The following SNTG1 variants were observed in gnomAD, a reference collection of about 807,000 sequenced individuals.
The protein encoded by SNTG1 is syntrophin gamma 1, also known as gamma-1-syntrophin.
A neutral mutation model predicts 74.7 loss-of-function variants in SNTG1; 39 were observed. That is an observed-to-expected ratio of 0.52 (90% CI 0.40 to 0.68). The LOEUF (loss-of-function observed/expected upper bound fraction) is 0.68, where lower values mean the gene tolerates loss of function less well. SNTG1 is among the 30% of genes least tolerant of loss of function. The pLI is 0.00. For synonymous variants in SNTG1, 254 were observed against 217.1 expected (o/e 1.17, Z -1.49); for missense variants, 685 against 609.5 (o/e 1.12, Z -1.30).
chr8:50,356,684 C>T (rs933100696), intron 2 of SNTG1, among the ~76,000 whole-genome samples: 3 of 151,964 alleles, frequency 2.0e-5, no homozygotes, highest in African/African-American at 7.3e-5. Flanking sequence ...GCCTCTAATC[C>T]CATTCATGAA....
At chr8:50,586,786 T>G (rs1283814906) in intron 12 of SNTG1, among the ~76,000 whole-genome samples, 2 of 152,072 alleles carry the variant, frequency 1.3e-5, no homozygotes, top group Non-Finnish European at 2.9e-5. Context: ...AAATGTGTAT[T>G]CTGGGGGTTG....
At chr8:49,965,688 T>A (rs1014998936) in intron 1 of SNTG1, among the ~76,000 whole-genome samples, 1 of 152,218 alleles carries the variant, frequency 6.6e-6, no homozygotes, top group African/African-American at 2.4e-5. Context: ...CATTTTTAGA[T>A]AACCGAATGT....
intron 1 of SNTG1, among the ~76,000 whole-genome samples, chr8:49,943,422 G>A (rs745647371): frequency 6.6e-6 from 1 of 152,226 alleles, no homozygotes; most frequent in Non-Finnish European, 1.5e-5. Context: ...TTAGGATAAT[G>A]TTAATGGCTT....
chr8:50,222,882 C>A (rs911363783), intron 2 of SNTG1, among the ~76,000 whole-genome samples: 1 of 152,104 alleles, frequency 6.6e-6, no homozygotes, highest in African/African-American at 2.4e-5. Context: ...TAATTTATTT[C>A]TGTAAAAACT....
chr8:50,023,346 A>G (rs1326372039), intron 1 of SNTG1, among the ~76,000 whole-genome samples: 1 of 152,162 alleles, frequency 6.6e-6, no homozygotes, highest in Non-Finnish European at 1.5e-5. Flanking sequence ...ATAGCTATGG[A>G]TTTGAATAAA....
At chr8:49,950,450 A>T (rs2129390228) in intron 1 of SNTG1, among the ~76,000 whole-genome samples, 1 of 152,274 alleles carries the variant, frequency 6.6e-6, no homozygotes, top group East Asian at 1.9e-4. Context: ...TATTTTTAAA[A>T]TTTTTAAATG....
intron 12 of SNTG1, among the ~76,000 whole-genome samples, chr8:50,580,148 A>T (rs2094601046): frequency 6.6e-6 from 1 of 152,254 alleles, no homozygotes; most frequent in Non-Finnish European, 1.5e-5. Flanking sequence ...ATCATTTTCG[A>T]ACCTTAAAGT....
At chr8:49,991,976 TA>T (rs1213415560) in intron 1 of SNTG1, among the ~76,000 whole-genome samples, 6 of 152,312 alleles carry the variant, frequency 3.9e-5, no homozygotes, top group East Asian at 1.9e-4. Context: ...TTAAAGCTGT[TA>T]AAAAATAATG....
intron 2 of SNTG1, among the ~76,000 whole-genome samples, chr8:50,346,367 C>T (rs953876398): frequency 6.6e-6 from 1 of 152,072 alleles, no homozygotes; most frequent in Non-Finnish European, 1.5e-5. Context: ...AAACTGTGCC[C>T]GTATCAGATG....
At chr8:50,510,523 C>T (rs1188188825) in intron 9 of SNTG1, among the ~76,000 whole-genome samples, 1 of 152,112 alleles carries the variant, frequency 6.6e-6, no homozygotes, top group Non-Finnish European at 1.5e-5. Flanking sequence ...TGGTAGAATT[C>T]AACTGTGAAT....
At chr8:50,078,242 T>A (rs1478638483) in intron 1 of SNTG1, among the ~76,000 whole-genome samples, 2 of 152,194 alleles carry the variant, frequency 1.3e-5, no homozygotes, top group Non-Finnish European at 2.9e-5. Context: ...ATTTCAAAAT[T>A]ATTTTGGCAA....
chr8:50,413,697 TTGGA>T (rs1324341967), intron 4 of SNTG1, among the ~76,000 whole-genome samples: 1 of 152,194 alleles, frequency 6.6e-6, no homozygotes, highest in Non-Finnish European at 1.5e-5. Context: ...TCAGTAACAT[TTGGA>T]TGGATGTTAG....
At chr8:50,145,024 A>G (rs527248370) in intron 1 of SNTG1, among the ~76,000 whole-genome samples, 1 of 152,224 alleles carries the variant, frequency 6.6e-6, no homozygotes, top group South Asian at 2.1e-4. Flanking sequence ...ATGAGAAGGA[A>G]CACCAAATGA....
intron 12 of SNTG1, among the ~76,000 whole-genome samples, chr8:50,585,733 A>T (rs2094644116): frequency 6.6e-6 from 1 of 152,130 alleles, no homozygotes; most frequent in Non-Finnish European, 1.5e-5. Context: ...CACTATATTA[A>T]TCATATGAAT....
chr8:50,272,448 T>C (rs1223545443), intron 2 of SNTG1, among the ~76,000 whole-genome samples: 1 of 152,194 alleles, frequency 6.6e-6, no homozygotes, highest in Non-Finnish European at 1.5e-5. Flanking sequence ...TGCACAGAAC[T>C]TTGTGCCATA....
intron 9 of SNTG1, among the ~76,000 whole-genome samples, chr8:50,506,843 T>C (rs1051126496): frequency 2.0e-5 from 3 of 152,096 alleles, no homozygotes; most frequent in African/African-American, 7.2e-5. Flanking sequence ...CTTTTGGTTG[T>C]ATGTTGAATA....
intron 2 of SNTG1, among the ~76,000 whole-genome samples, chr8:50,175,463 G>T (rs995143858): frequency 6.6e-6 from 1 of 152,140 alleles, no homozygotes; most frequent in East Asian, 1.9e-4. Flanking sequence ...CAATTGAAGG[G>T]GACAGAGAGC....
At position 50,179,818 on chromosome 8, in the gene SNTG1, T is replaced by G. The variant is rs114219337; in HGVS notation, c.-28+7183T>G. Among the ~76,000 whole-genome samples, 249 of 152,282 alleles carry G rather than the reference T, an allele frequency of 1.6e-3. 1 individual carries two copies. Among genetic ancestry groups the G allele is most frequent in the Middle Eastern group, 6.8e-3 (2 of 294 alleles). On this transcript the variant is annotated intron_variant, in intron 2 of 18. Coordinates refer to ENST00000642720, the MANE Select transcript of SNTG1 (RefSeq NM_018967.5). The stretch of plus-strand genomic sequence containing the variant: ...GGGTGTGGAGGGAAGGAAACCCTTG[T>G]GCACTGCTGCTGAGAATGTAAATTG...
intron 2 of SNTG1, among the ~76,000 whole-genome samples, chr8:50,226,092 T>C (rs563241491): frequency 1.8e-4 from 27 of 152,348 alleles, no homozygotes; most frequent in Non-Finnish European, 3.4e-4. Flanking sequence ...TAAAAGTTTA[T>C]TTTCAAAAAG....
Sources: gnomAD v4.1 joint callset for allele counts (sites outside exome capture counted in the v4.1 genomes callset) on GRCh38, gnomAD v4.1.1 for gene constraint, MANE v1.5 for transcripts, NCBI Gene and HGNC (gene_info 2026-07-23, HGNC 2026-07-21) for gene names.